The following ADGRL1 variants were observed in gnomAD, a reference collection of about 807,000 sequenced individuals.
ADGRL1 encodes adhesion G protein-coupled receptor L1.
ADGRL1 carries 31 observed loss-of-function variants against 148.9 expected under a neutral mutation model. The ratio of observed to expected loss-of-function variants is 0.21; its 90% confidence interval spans 0.16 to 0.28. The LOEUF (loss-of-function observed/expected upper bound fraction) is 0.28. Ranked by LOEUF, ADGRL1 falls within the 10% of genes least tolerant of loss-of-function variation. The pLI, the probability that ADGRL1 is intolerant of heterozygous loss-of-function variation, is 1.00. For missense variants in ADGRL1, 1,521 were observed against 2,058.8 expected, an observed-to-expected ratio of 0.74 and a Z score of 5.05; for synonymous variants, 937 against 900.3, an observed-to-expected ratio of 1.04 and a Z score of -0.73.
At position 14,155,836 on chromosome 19, in the gene ADGRL1, A is replaced by C; in HGVS notation, c.3125+274T>G. ...TATATTTGCTGCCTATTTCTCTTTAAGTTGCCCTTAAACAGACTCACCTTT... is the reference window on the plus strand; with the variant it reads ...TATATTTGCTGCCTATTTCTCTTTACGTTGCCCTTAAACAGACTCACCTTT... On this transcript the variant is annotated intron_variant, in intron 17 of 22. Transcript: ENST00000361434. This position sits in a 1 kb window ranked among gnomAD's most constrained non-coding sequence, Gnocchi z 5.0. 1.7e-6 allele frequency: 1 copy of C among 577,948 alleles called. No individual in the cohort carries two copies. Among genetic ancestry groups the C allele is most frequent in the South Asian group, 2.1e-5 (1 of 47,012 alleles). The allele number at this position is 577,948 out of a possible 1,614,324, so 35.8% of individuals were successfully genotyped here.
intron 4 of ADGRL1, among the ~76,000 whole-genome samples, chr19:14,167,735 A>C (rs1053017115): frequency 9.5e-5 from 14 of 146,602 alleles, no homozygotes; most frequent in Non-Finnish European, 1.8e-4. Context: ...CCCCAGAGAG[A>C]GCCAGGGTTG....
chr19:14,204,256 G>T (rs928794287), intron 1 of ADGRL1, among the ~76,000 whole-genome samples: 1 of 152,060 alleles, frequency 6.6e-6, no homozygotes, highest in Non-Finnish European at 1.5e-5. Context: ...TAATAAATTT[G>T]GCATTAGTGG....
At chr19:14,185,375 C>A (rs1429183136) in intron 1 of ADGRL1, among the ~76,000 whole-genome samples, 2 of 152,072 alleles carry the variant, frequency 1.3e-5, no homozygotes, top group Admixed American at 6.6e-5. Context: ...CTCACTGCAA[C>A]CTCCAGATCC....
chr19:14,202,248 G>C (rs1599530586), intron 1 of ADGRL1, among the ~76,000 whole-genome samples: 2 of 150,792 alleles, frequency 1.3e-5, no homozygotes, highest in Non-Finnish European at 3.0e-5. Context: ...TTGCTTTTTT[G>C]TTTTGGGTTT....
intron 1 of ADGRL1, among the ~76,000 whole-genome samples, chr19:14,185,588 T>C (rs1971531138): frequency 6.6e-6 from 1 of 152,150 alleles, no homozygotes. Flanking sequence ...GCCACTGTGC[T>C]GGCCAGAAAC....
At chr19:14,158,655 AC>A in intron 11 of ADGRL1, 103 bp from the exon 12 acceptor site, 1 of 911,406 alleles carries the variant, frequency 1.1e-6, no homozygotes, top group Non-Finnish European at 1.7e-6. Context: ...GCCCTTGGCC[AC>A]GCTGGCCACT....
intron 1 of ADGRL1, among the ~76,000 whole-genome samples, chr19:14,194,658 T>C (rs974949555): frequency 1.3e-5 from 2 of 152,012 alleles, no homozygotes; most frequent in Non-Finnish European, 2.9e-5. Context: ...GCTCCCCAGG[T>C]TGGGCTTGGT....
Position 14,155,565 on chromosome 19 carries a change from G to A in ADGRL1, c.3126-38C>T, listed in dbSNP as rs765601297. 8 of 1,606,980 alleles carry A rather than the reference G, an allele frequency of 5.0e-6. No individual in the cohort carries two copies. Among genetic ancestry groups the A allele is most frequent in the Admixed American group, 1.7e-5 (1 of 59,834 alleles). On this transcript the variant is annotated intron_variant, in intron 17 of 22. Coordinates refer to ENST00000361434, the MANE Select transcript of ADGRL1 (RefSeq NM_014921.5). The surrounding 1 kb of genome is among the most constrained non-coding windows in gnomAD (Gnocchi z 5.0). ...CGACAGGGGAGTCAAAGTACCCGCC[G>A]GAGGGGACGGCCTCAGCCCAGGCCT...
chr19:14,181,067 A>T (rs1199913499), intron 2 of ADGRL1, among the ~76,000 whole-genome samples: 1 of 152,194 alleles, frequency 6.6e-6, no homozygotes, highest in East Asian at 1.9e-4. Context: ...AATAAATAAA[A>T]AATAAATAAA....
Position 14,160,509 on chromosome 19 carries a change from C to T in ADGRL1, c.1614+84G>A. On this transcript the variant is annotated intron_variant, in intron 7 of 22. Transcript: ENST00000361434. This position sits in a 1 kb window ranked among gnomAD's most constrained non-coding sequence, Gnocchi z 5.9. ...CTTCCAGACCTGCCAGCCCATGTCT[C>T]CCCAGCTGCTCCACGACCCCCGCTG... is the stretch of plus-strand genomic sequence containing the variant. 9.2e-7 allele frequency: 1 copy of T among 1,084,170 alleles called. No homozygotes were observed. The highest frequency in any genetic ancestry group is 1.3e-6 in the Non-Finnish European group (1 of 758,264). The allele number at this position is 1,084,170 out of a possible 1,614,324, so 67.2% of individuals were successfully genotyped here. A position where few individuals can be genotyped will look rare whatever the true frequency, so the allele number is the denominator to read the frequency against.
intron 1 of ADGRL1, chr19:14,190,996 G>C (rs1472008367): frequency 2.4e-6 from 1 of 421,860 alleles, no homozygotes; most frequent in Non-Finnish European, 4.9e-6. Flanking sequence ...GCTGAGGTAG[G>C]AGAATTGCTT....
At chr19:14,184,495 T>C (rs552710962) in intron 1 of ADGRL1, among the ~76,000 whole-genome samples, 3 of 151,070 alleles carry the variant, frequency 2.0e-5, no homozygotes, top group Admixed American at 6.6e-5. Flanking sequence ...TGCAATGATA[T>C]AATCACAGCT....
In ADGRL1 at chr19:14,161,088, C is replaced by T. The variant is rs1027812622; in HGVS notation, c.1510+224G>A. On this transcript the variant is annotated intron_variant, in intron 6 of 22. Transcript: ENST00000361434. The surrounding 1 kb of genome is among the most constrained non-coding windows in gnomAD (Gnocchi z 4.4). ...GGGCTGTGGCAGGTCAGCCTGAGGC[C>T]GGGAGCCAGGTCACCTCCTGCGGAC... Among the ~76,000 whole-genome samples the T allele has an allele frequency of 2.6e-5, 4 of 151,966 alleles. No homozygotes were observed. The highest frequency in any genetic ancestry group is 2.0e-4 in the Admixed American group (3 of 15,272).
At chr19:14,172,855 G>A (rs1413467844) in intron 3 of ADGRL1, among the ~76,000 whole-genome samples, 3 of 152,062 alleles carry the variant, frequency 2.0e-5, no homozygotes, top group Admixed American at 1.3e-4. Context: ...CAACTGTCAC[G>A]GTTTCACAGT....
At position 14,162,738 on chromosome 19, in the gene ADGRL1, G is replaced by A. The variant is rs781761899; in HGVS notation, c.1063C>T (p.Leu355Phe). 5 of 1,614,230 alleles carry A rather than the reference G, an allele frequency of 3.1e-6. No individual in the cohort carries two copies. The Admixed American group carries it at 8.3e-5, about 27-fold the overall frequency. The change falls in exon 5 of 23, where the codon CTC becomes TTC. Residue 355 changes from leucine to phenylalanine, a missense_variant. Physicochemically the swap from Leu to Phe is conservative, Grantham distance 22. Transcript: ENST00000361434. The surrounding 1 kb of genome is among the most constrained non-coding windows in gnomAD (Gnocchi z 5.4). ...TNANREEPVS[L>F]TFPNPYQFIS... ...AACTGGTAGGGGTTGGGGAAGGTGA[G>A]GCTGACAGGCTCCTCGCGGTTGGCA...
intron 17 of ADGRL1, 85 bp downstream of exon 17, chr19:14,156,025 C>A: frequency 4.7e-6 from 5 of 1,052,634 alleles, no homozygotes; most frequent in Non-Finnish European, 7.2e-6. Flanking sequence ...GACAGCACTA[C>A]CTTTTAGGAC....
At chr19:14,182,672 G>T (rs1016754960) in intron 2 of ADGRL1, among the ~76,000 whole-genome samples, 4 of 152,206 alleles carry the variant, frequency 2.6e-5, no homozygotes, top group Admixed American at 2.6e-4. Context: ...GGGGTGGAAG[G>T]CTGGCTCAGA....
chr19:14,163,331 G>A lies in ADGRL1; in HGVS notation c.470C>T (p.Ala157Val). 6.2e-7 allele frequency: 1 copy of A among 1,611,760 alleles called. No homozygotes were observed. The change falls in exon 5 of 23, where the codon GCA becomes GTA. Residue 157 changes from alanine (A) to valine (V), a missense_variant. This residue lies in a region of ADGRL1 where 334 missense variants were observed against 512.5 expected (regional missense o/e 0.65). Coordinates refer to ENST00000361434, the MANE Select transcript of ADGRL1 (RefSeq NM_014921.5). ...STHESEHQSG[A>V]WCKDPLQAGD... is the part of the protein sequence containing the mutation. Reference sequence around the variant, plus strand: ...CGCCTGCAGCGGGTCCTTGCACCATGCGCCAGACTGGTGCTCTGACTCGTG... The same window carrying A: ...CGCCTGCAGCGGGTCCTTGCACCATACGCCAGACTGGTGCTCTGACTCGTG...
At chr19:14,186,176 G>A (rs1048492879) in intron 1 of ADGRL1, among the ~76,000 whole-genome samples, 2 of 151,936 alleles carry the variant, frequency 1.3e-5, no homozygotes, top group Non-Finnish European at 2.9e-5. Context: ...CTCCCGCCTC[G>A]GCCTCCCTAG....
Sources: gnomAD v4.1 joint callset for allele counts (sites outside exome capture counted in the v4.1 genomes callset) on GRCh38, gnomAD v4.1.1 for gene constraint, gnomAD v4.1.1 regional missense constraint, Gnocchi (gnomAD v3.1) non-coding constraint, MANE v1.5 for transcripts, NCBI Gene and HGNC (gene_info 2026-07-23, HGNC 2026-07-21) for gene names.